Variants in SGCZ observed in about 807,000 individuals in gnomAD.
SGCZ encodes the protein sarcoglycan zeta.
In SGCZ, 40 loss-of-function variants were observed where a neutral mutation model predicts 41.3. That is an observed-to-expected ratio of 0.97 (90% CI 0.75 to 1.26). The LOEUF (loss-of-function observed/expected upper bound fraction) is 1.26, where lower values mean the gene tolerates loss of function less well. Ranked by LOEUF, SGCZ falls within the 50% of genes most tolerant of loss-of-function variation. The pLI, the probability that SGCZ is intolerant of heterozygous loss-of-function variation, is 0.00. For missense variants in SGCZ, 552 were observed against 369.8 expected, an observed-to-expected ratio of 1.49 and a Z score of -4.04; for synonymous variants, 206 against 137.5, an observed-to-expected ratio of 1.50 and a Z score of -3.49.
chr8:14,722,559 A>T (rs560483708), intron 1 of SGCZ, among the ~76,000 whole-genome samples: 1 of 152,160 alleles, frequency 6.6e-6, no homozygotes, highest in Admixed American at 6.6e-5. Context: ...TATATTTATT[A>T]CTTTCCTCAC....
intron 1 of SGCZ, among the ~76,000 whole-genome samples, chr8:15,121,653 C>G (rs1316641236): frequency 6.6e-6 from 1 of 152,112 alleles, no homozygotes; most frequent in South Asian, 2.1e-4. Context: ...GAGAAGATCT[C>G]ATGCTGGAGT....
chr8:14,543,211 T>G (rs1211247458), intron 2 of SGCZ, among the ~76,000 whole-genome samples: 1 of 152,084 alleles, frequency 6.6e-6, no homozygotes, highest in Non-Finnish European at 1.5e-5. Flanking sequence ...TTTGGTTTCT[T>G]GCTCCTAATA....
At chr8:15,219,731 G>A (rs147314927) in intron 1 of SGCZ, among the ~76,000 whole-genome samples, 1 of 152,092 alleles carries the variant, frequency 6.6e-6, no homozygotes, top group Non-Finnish European at 1.5e-5. Context: ...TTTGTGCCAG[G>A]CATACAGATC....
At chr8:14,419,468 G>C (rs1331303028) in intron 2 of SGCZ, among the ~76,000 whole-genome samples, 1 of 151,614 alleles carries the variant, frequency 6.6e-6, no homozygotes, top group Non-Finnish European at 1.5e-5. Context: ...TATCCTCTAT[G>C]AGATTTTTTG....
chr8:14,738,899 T>TC (rs544351652), intron 1 of SGCZ, among the ~76,000 whole-genome samples: 50 of 152,028 alleles, frequency 3.3e-4, no homozygotes, highest in African/African-American at 1.2e-3. Flanking sequence ...GATAAGAGAC[T>TC]CCCCCAGGTA....
rs550826202 is a variant in SGCZ at position 14,726,218 on chromosome 8, G to T, written c.40-171292C>A. Among the ~76,000 whole-genome samples the T allele has an allele frequency of 3.4e-3, 506 of 148,198 alleles. 1 individual carries two copies. The highest frequency in any genetic ancestry group is 5.8e-3 in the Non-Finnish European group (387 of 67,138). ...GCAGAGGTTGCAGTGAGCAGAGATT[G>T]TGCCACTGCATTCCAGCCTGGGCAA... On this transcript the variant is annotated intron_variant, in intron 1 of 7. Transcript: ENST00000382080.
At chr8:14,490,170 C>T (rs1261581805) in intron 2 of SGCZ, among the ~76,000 whole-genome samples, 1 of 152,026 alleles carries the variant, frequency 6.6e-6, no homozygotes, top group Non-Finnish European at 1.5e-5. Flanking sequence ...CCGGCCAACT[C>T]TCCTGCCTTT....
rs761653464 is a variant in SGCZ, at chr8:14,422,334, T to C, written c.235-98130A>G. 3.3e-5 allele frequency among the ~76,000 whole-genome samples: 5 copies of C among 152,338 alleles called. No homozygotes were observed. The East Asian group carries it at 7.7e-4, about 24-fold the overall frequency. ...CTGTTAGGATATTTTAAGTTGACTA[T>C]ACAATACATATATTTACTAGTATGT... On this transcript the variant is annotated intron_variant, in intron 2 of 7. Coordinates refer to ENST00000382080, the MANE Select transcript of SGCZ (RefSeq NM_139167.4).
At chr8:14,686,144 T>C (rs1808603440) in intron 1 of SGCZ, among the ~76,000 whole-genome samples, 1 of 152,156 alleles carries the variant, frequency 6.6e-6, no homozygotes, top group Non-Finnish European at 1.5e-5. Flanking sequence ...GAGCAATTTA[T>C]ATAGAAAATT....
intron 1 of SGCZ, among the ~76,000 whole-genome samples, chr8:14,651,582 C>G (rs917170437): frequency 2.6e-5 from 4 of 152,090 alleles, no homozygotes; most frequent in African/African-American, 9.7e-5. Context: ...ACTACGCACA[C>G]TCACTCAGAA....
At chr8:14,899,029 G>A (rs772474993) in intron 1 of SGCZ, among the ~76,000 whole-genome samples, 21 of 152,168 alleles carry the variant, frequency 1.4e-4, no homozygotes, top group East Asian at 5.8e-4. Flanking sequence ...ACTTTTTACC[G>A]TGTTAGAGTT....
intron 1 of SGCZ, among the ~76,000 whole-genome samples, chr8:14,746,168 T>C (rs1167954522): frequency 6.6e-6 from 1 of 152,080 alleles, no homozygotes; most frequent in Non-Finnish European, 1.5e-5. Flanking sequence ...AGATATTAAA[T>C]ATAACAAGGC....
chr8:14,408,611 C>T (rs772090584), intron 2 of SGCZ, among the ~76,000 whole-genome samples: 1 of 152,160 alleles, frequency 6.6e-6, no homozygotes, highest in East Asian at 1.9e-4. Flanking sequence ...TATATCACAC[C>T]CCTGTATAAT....
intron 2 of SGCZ, among the ~76,000 whole-genome samples, chr8:14,375,876 T>C (rs2117175333): frequency 6.6e-6 from 1 of 152,192 alleles, no homozygotes; most frequent in East Asian, 1.9e-4. Context: ...GCAGAAATTA[T>C]GAGATAGAAA....
At chr8:14,323,192 A>G (rs907947465) in intron 3 of SGCZ, among the ~76,000 whole-genome samples, 1 of 152,076 alleles carries the variant, frequency 6.6e-6, no homozygotes, top group Non-Finnish European at 1.5e-5. Context: ...TTCTGTTTTC[A>G]TTTTCATACT....
chr8:14,342,537 G>A (rs113797471), intron 2 of SGCZ, among the ~76,000 whole-genome samples: 1,827 of 152,064 alleles, frequency 0.012, 35 homozygotes, highest in African/African-American at 0.04. Flanking sequence ...GGATGGTCTC[G>A]ATCTCCTGAA....
At chr8:14,872,334 G>C (rs762614970) in intron 1 of SGCZ, among the ~76,000 whole-genome samples, 7 of 151,892 alleles carry the variant, frequency 4.6e-5, no homozygotes, top group Non-Finnish European at 8.8e-5. Context: ...AAAAAACATA[G>C]AAATATAAGC....
chr8:15,147,650 G>C (rs928864723), intron 1 of SGCZ, among the ~76,000 whole-genome samples: 15 of 152,094 alleles, frequency 9.9e-5, no homozygotes, highest in Admixed American at 2.0e-4. Context: ...CCCTTATGTA[G>C]AATGCATGAG....
chr8:14,716,239 A>G (rs2036828), intron 1 of SGCZ, among the ~76,000 whole-genome samples: 55,971 of 151,704 alleles, frequency 0.37, 12,300 homozygotes, highest in African/African-American at 0.61. Context: ...GATACACTTA[A>G]AAACAGAGAT....
Sources: gnomAD v4.1 joint callset for allele counts (sites outside exome capture counted in the v4.1 genomes callset) on GRCh38, gnomAD v4.1.1 for gene constraint, MANE v1.5 for transcripts, NCBI Gene and HGNC (gene_info 2026-07-23, HGNC 2026-07-21) for gene names.